KCTD8: variants seen among roughly 807,000 people sequenced by gnomAD.
The protein encoded by KCTD8 is BTB/POZ domain-containing protein KCTD8.
In KCTD8, 27 loss-of-function variants were observed where a neutral mutation model predicts 31.5. That is an observed-to-expected ratio of 0.86 (90% confidence interval 0.63 to 1.18). The LOEUF (loss-of-function observed/expected upper bound fraction) is 1.18, where lower values mean the gene tolerates loss of function less well. Among genes scored for constraint, KCTD8 ranks in the 50% most tolerant of loss-of-function variants. The pLI, the probability that KCTD8 is intolerant of heterozygous loss-of-function variation, is 0.00. For missense variants in KCTD8, 658 were observed against 647.7 expected, an observed-to-expected ratio of 1.02 and a Z score of -0.17; for synonymous variants, 290 against 280.0, an observed-to-expected ratio of 1.04 and a Z score of -0.36.
intron 1 of KCTD8, among the ~76,000 whole-genome samples, chr4:44,247,220 T>C (rs1203941050): frequency 1.3e-5 from 2 of 152,030 alleles, no homozygotes; most frequent in Non-Finnish European, 2.9e-5. Context: ...TTTTTATTTC[T>C]GTATTCCTTA....
rs576249719 is a variant in KCTD8, at chr4:44,303,748, G to A, written c.962-128498C>T. Reference sequence around the variant, plus strand: ...GAATTGCTTGAGCCCAGGAGGCAGAGGTTGCAGTGAACTGAAATTGCACCA... The same window carrying A: ...GAATTGCTTGAGCCCAGGAGGCAGAAGTTGCAGTGAACTGAAATTGCACCA... On this transcript the variant is annotated intron_variant, in intron 1 of 1. Coordinates refer to ENST00000360029, the MANE Select transcript of KCTD8 (RefSeq NM_198353.3). Among the ~76,000 whole-genome samples, 90 of 152,156 alleles carry A rather than the reference G, an allele frequency of 5.9e-4. No individual in the cohort carries two copies. The Middle Eastern group carries it at 0.01, about 17-fold the overall frequency.
intron 1 of KCTD8, among the ~76,000 whole-genome samples, chr4:44,220,847 G>C (rs369608293): frequency 2.5e-4 from 38 of 152,218 alleles, no homozygotes; most frequent in African/African-American, 8.2e-4. Context: ...TCAGTGGAAA[G>C]GTTTATTTAT....
Position 44,448,640 on chromosome 4 carries a change from T to G in KCTD8, c.-117A>C. 5.3e-6 allele frequency: 6 copies of G among 1,126,406 alleles called. No individual in the cohort carries two copies. Among genetic ancestry groups the G allele is most frequent in the Non-Finnish European group, 5.7e-6 (5 of 884,434 alleles). 69.8% of individuals were successfully genotyped at this position (1,126,406 alleles called of 1,614,324 possible). A position where few individuals can be genotyped will look rare whatever the true frequency, so the allele number is the denominator to read the frequency against. Reference sequence around the variant, plus strand: ...CTGCGCCCTCGGACTGGGCGGCGCGTTCCTCCGACCGGGGCGGCCCCGCTC... The same window carrying G: ...CTGCGCCCTCGGACTGGGCGGCGCGGTCCTCCGACCGGGGCGGCCCCGCTC... On this transcript the variant is annotated 5_prime_UTR_variant, in exon 1 of 2. Coordinates refer to ENST00000360029, the MANE Select transcript of KCTD8 (RefSeq NM_198353.3). The surrounding 1 kb of genome is among the most constrained non-coding windows in gnomAD (Gnocchi z 4.1).
chr4:44,386,369 G>C (rs1215367338), intron 1 of KCTD8, among the ~76,000 whole-genome samples: 1 of 148,996 alleles, frequency 6.7e-6, no homozygotes, highest in Admixed American at 6.7e-5. Flanking sequence ...CCTAAAGAAG[G>C]AAAAAAAAAC....
At chr4:44,309,120 C>T (rs534775376) in intron 1 of KCTD8, among the ~76,000 whole-genome samples, 1 of 152,274 alleles carries the variant, frequency 6.6e-6, no homozygotes, top group African/African-American at 2.4e-5. Flanking sequence ...ACTACAGCCT[C>T]AACCTCTGGG....
At chr4:44,218,428 C>T (rs907838380) in intron 1 of KCTD8, among the ~76,000 whole-genome samples, 4 of 151,292 alleles carry the variant, frequency 2.6e-5, no homozygotes, top group Non-Finnish European at 5.9e-5. Context: ...GCCACTGTGC[C>T]CAGTCTAAAA....
At chr4:44,219,371 G>A (rs149462383) in intron 1 of KCTD8, among the ~76,000 whole-genome samples, 3 of 152,218 alleles carry the variant, frequency 2.0e-5, no homozygotes, top group East Asian at 3.9e-4. Flanking sequence ...TTGAAAATCC[G>A]GCCTTTGCCA....
intron 1 of KCTD8, among the ~76,000 whole-genome samples, chr4:44,225,510 A>T (rs1577840014): frequency 1.3e-5 from 2 of 152,344 alleles, no homozygotes; most frequent in Admixed American, 6.5e-5. Flanking sequence ...TTTTTATTTC[A>T]TATCGGATTT....
intron 1 of KCTD8, among the ~76,000 whole-genome samples, chr4:44,249,608 T>G (rs1029755623): frequency 6.6e-6 from 1 of 151,750 alleles, no homozygotes; most frequent in African/African-American, 2.4e-5. Flanking sequence ...CACAAACAGG[T>G]GGCAAGGAAG....
At chr4:44,319,046 C>A (rs745911006) in intron 1 of KCTD8, among the ~76,000 whole-genome samples, 1 of 152,102 alleles carries the variant, frequency 6.6e-6, no homozygotes, top group African/African-American at 2.4e-5. Context: ...CAGGACATTG[C>A]AAAGGTTTTC....
chr4:44,429,677 G>C (rs1407772989), intron 1 of KCTD8, among the ~76,000 whole-genome samples: 1 of 151,748 alleles, frequency 6.6e-6, no homozygotes, highest in Non-Finnish European at 1.5e-5. Flanking sequence ...AGGAACTCTG[G>C]CAAGTTTAAA....
intron 1 of KCTD8, among the ~76,000 whole-genome samples, chr4:44,284,177 T>A (rs1018065208): frequency 6.6e-6 from 1 of 151,952 alleles, no homozygotes; most frequent in Non-Finnish European, 1.5e-5. Flanking sequence ...GCCAAGACAA[T>A]CCTGGGCAAG....
At chr4:44,259,959 G>T (rs1294382344) in intron 1 of KCTD8, among the ~76,000 whole-genome samples, 2 of 151,752 alleles carry the variant, frequency 1.3e-5, no homozygotes, top group African/African-American at 4.8e-5. Flanking sequence ...ATATATCATA[G>T]GTTTAAATGT....
chr4:44,428,837 G>T (rs903884463), intron 1 of KCTD8, among the ~76,000 whole-genome samples: 2 of 151,790 alleles, frequency 1.3e-5, no homozygotes, highest in African/African-American at 4.8e-5. Context: ...CAGAGAAGGA[G>T]GGAGATTAAA....
intron 1 of KCTD8, among the ~76,000 whole-genome samples, chr4:44,319,349 G>A (rs938478306): frequency 1.3e-5 from 2 of 152,064 alleles, no homozygotes; most frequent in Admixed American, 6.6e-5. Flanking sequence ...TGGGGGATTA[G>A]CAGGAGACTG....
At chr4:44,336,473 GACA>G (rs1341901468) in intron 1 of KCTD8, among the ~76,000 whole-genome samples, 5 of 151,790 alleles carry the variant, frequency 3.3e-5, no homozygotes, top group Admixed American at 3.3e-4. Flanking sequence ...TACTCAATTA[GACA>G]ACATTTTATT....
intron 1 of KCTD8, among the ~76,000 whole-genome samples, chr4:44,357,537 C>T (rs543226736): frequency 6.6e-6 from 1 of 152,100 alleles, no homozygotes; most frequent in Non-Finnish European, 1.5e-5. Context: ...CTTAACACCA[C>T]TATTAATGGC....
Position 44,448,300 on chromosome 4 carries a change from G to A in KCTD8, c.224C>T (p.Ser75Leu), listed in dbSNP as rs1335256705. The change falls in exon 1 of 2, where the codon TCG (serine) becomes TTG (leucine). Residue 75 changes from serine (S) to leucine (L), a missense_variant. By Grantham distance (145) the Ser-to-Leu change is moderately radical. Transcript: ENST00000360029. This position sits in a 1 kb window ranked among gnomAD's most constrained non-coding sequence, Gnocchi z 4.1. ...GGCGCCGCCACGGGGACTAGAGGGC[G>A]AGAACATGCTGGCCAAAGTACTGTC... is the stretch of plus-strand genomic sequence containing the variant. ...VPDSTLASMF[S>L]PSSPRGGARR... 6.2e-7 allele frequency: 1 copy of A among 1,607,144 alleles called. No individual in the cohort carries two copies. Among genetic ancestry groups the A allele is most frequent in the Non-Finnish European group, 8.5e-7 (1 of 1,177,698 alleles).
intron 1 of KCTD8, among the ~76,000 whole-genome samples, chr4:44,306,798 C>T (rs939642184): frequency 1.3e-5 from 2 of 151,960 alleles, no homozygotes; most frequent in Admixed American, 6.6e-5. Context: ...AATTGGCCTT[C>T]TATTAGTAAA....
Sources: allele counts gnomAD v4.1 joint callset (sites outside exome capture counted in the v4.1 genomes callset), GRCh38; gene constraint gnomAD v4.1.1; non-coding constraint Gnocchi (gnomAD v3.1); transcripts MANE v1.5; gene names NCBI Gene and HGNC (gene_info 2026-07-23, HGNC 2026-07-21).